The following DDX60 variants were observed in gnomAD, a reference collection of about 807,000 sequenced individuals.
DDX60 encodes the protein probable ATP-dependent RNA helicase DDX60.
In DDX60, 165 loss-of-function variants were observed where a neutral mutation model predicts 212.8. The observed-to-expected ratio is 0.78, with a 90% CI of 0.68 to 0.88. The LOEUF (loss-of-function observed/expected upper bound fraction) is 0.88, where lower values mean the gene tolerates loss of function less well. Among genes scored for constraint, DDX60 ranks in the 40% least tolerant of loss-of-function variants. The pLI is 0.00. For missense variants in DDX60, 1,905 were observed against 2,003.9 expected (o/e 0.95, Z 0.94); for synonymous variants, 703 against 685.3 (o/e 1.03, Z -0.40).
chr4:168,265,923 G>T (rs1734830534), intron 22 of DDX60, among the ~76,000 whole-genome samples: 1 of 151,596 alleles, frequency 6.6e-6, no homozygotes, highest in African/African-American at 2.4e-5. Context: ...AGAATAAAGT[G>T]CCTTTTATTC....
intron 28 of DDX60, among the ~76,000 whole-genome samples, chr4:168,250,564 C>A (rs928455440): frequency 3.4e-5 from 5 of 146,936 alleles, no homozygotes; most frequent in Admixed American, 6.8e-5. Context: ...TTGCTCTTGT[C>A]CCCCAGGCTA....
At chr4:168,258,351 G>A (rs1009595782) in intron 25 of DDX60, among the ~76,000 whole-genome samples, 3 of 152,206 alleles carry the variant, frequency 2.0e-5, no homozygotes, top group Admixed American at 6.5e-5. Flanking sequence ...GGGGGCAGAG[G>A]TGGGATCCAA....
At chr4:168,275,563 A>C (rs1183983716) in intron 15 of DDX60, 60 bp from the exon 16 acceptor site, 127 of 1,417,502 alleles carry the variant, frequency 9.0e-5, no homozygotes, top group Non-Finnish European at 1.2e-4. Context: ...CATTTAAATA[A>C]GTAAAACATT....
chr4:168,312,169 C>A (rs1271459676), intron 1 of DDX60, among the ~76,000 whole-genome samples: 1 of 152,136 alleles, frequency 6.6e-6, no homozygotes, highest in Non-Finnish European at 1.5e-5. Flanking sequence ...AAGGATGACA[C>A]AAGTTTCTAG....
At chr4:168,280,203 G>T in intron 14 of DDX60, 132 bp downstream of exon 14, 1 of 1,179,056 alleles carries the variant, frequency 8.5e-7, no homozygotes, top group Non-Finnish European at 1.2e-6. Flanking sequence ...TATTGTAAAG[G>T]TAATAATGTA....
Position 168,227,006 on chromosome 4 carries a change from A to G in DDX60, c.4534-1330T>C, listed in dbSNP as rs542207679. 7.2e-5 allele frequency among the ~76,000 whole-genome samples: 11 copies of G among 152,202 alleles called. No individual in the cohort carries two copies. The East Asian group carries it at 1.9e-3, about 27-fold the overall frequency. ...AATTTCTGTTGTTTATTAGCCAGCC[A>G]ATCATTGCTACATTATAGCAGCCCA... On this transcript the variant is annotated intron_variant, in intron 33 of 37. Transcript: ENST00000393743.
chr4:168,223,030 T>G (rs1430278715), intron 35 of DDX60, among the ~76,000 whole-genome samples: 1 of 152,130 alleles, frequency 6.6e-6, no homozygotes, highest in Admixed American at 6.6e-5. Context: ...GCAGTAACTA[T>G]TCCTTCACTT....
intron 30 of DDX60, among the ~76,000 whole-genome samples, chr4:168,240,047 A>C (rs1481055548): frequency 6.6e-6 from 1 of 152,222 alleles, no homozygotes; most frequent in African/African-American, 2.4e-5. Context: ...CTTTGTTTGC[A>C]GATGACATGA....
chr4:168,266,461 T>C (rs1009502916), intron 22 of DDX60, among the ~76,000 whole-genome samples: 1 of 152,192 alleles, frequency 6.6e-6, no homozygotes, highest in Non-Finnish European at 1.5e-5. Flanking sequence ...TCATGGCTGG[T>C]GTCGTATTAG....
Position 168,280,450 on chromosome 4 carries a change from C to G in DDX60, c.1863G>C (p.Lys621Asn), listed in dbSNP as rs1735539274. ...AGGATTTCAAAAAATCTTCCAGGCT[C>G]TTTATTCCAGAGTGTAAATTTTCTT... is the stretch of plus-strand genomic sequence containing the variant. ...QLKENLHSGI[K>N]SLEDFLKSCK... The change falls in exon 14 of 38, where the codon AAG becomes AAC. Residue 621 changes from lysine to asparagine, a missense_variant. Transcript: ENST00000393743. The G allele has an allele frequency of 6.2e-7, 1 of 1,614,168 alleles. No individual in the cohort carries two copies. The highest frequency in any genetic ancestry group is 1.3e-5 in the African/African-American group (1 of 75,050).
intron 33 of DDX60, among the ~76,000 whole-genome samples, chr4:168,233,615 A>C (rs1382009095): frequency 6.6e-6 from 1 of 152,128 alleles, no homozygotes; most frequent in Non-Finnish European, 1.5e-5. Flanking sequence ...AGGAATTGAA[A>C]ACCAAAAATC....
intron 6 of DDX60, among the ~76,000 whole-genome samples, chr4:168,297,359 AAAGAAAGAAAGAAAGAAAGAAAG>A: frequency 1.5e-5 from 1 of 67,612 alleles, no homozygotes; most frequent in Admixed American, 1.2e-4. Context: ...AGAAAGAAAG[AAAGAAAGAAAGAAAGAAAGAAAG>A]AGAAAGAAAG....
chr4:168,285,321 C>T, intron 11 of DDX60, 72 bp downstream of exon 11: 1 of 896,976 alleles, frequency 1.1e-6, no homozygotes, highest in Non-Finnish European at 1.8e-6. Context: ...GTCTGCATTT[C>T]AAATAATCCT....
At chr4:168,324,499 G>A in the DDX60 span, among the ~76,000 whole-genome samples, 1 of 152,002 alleles carries the variant, frequency 6.6e-6, no homozygotes, top group Admixed American at 6.6e-5. Context: ...TTTGTTGGAG[G>A]GGGCCCTGTT....
chr4:168,290,563 T>TCTCCTGACCTCATGATC (rs1479924382), intron 8 of DDX60, among the ~76,000 whole-genome samples: 1 of 151,932 alleles, frequency 6.6e-6, no homozygotes, highest in Non-Finnish European at 1.5e-5. Flanking sequence ...ATGGTCTTGA[T>TCTCCTGACCTCATGATC]CTCCTGACCT....
At chr4:168,225,819 T>A in intron 33 of DDX60, 143 bp from the exon 34 acceptor site, 1 of 774,014 alleles carries the variant, frequency 1.3e-6, no homozygotes, top group Non-Finnish European at 1.9e-6. Flanking sequence ...ACTGTTTCAT[T>A]TTTTCACTGG....
At chr4:168,297,741 T>TAAAAATAC (rs112425637) in intron 6 of DDX60, among the ~76,000 whole-genome samples, 64,589 of 151,148 alleles carry the variant, frequency 0.43, 14,594 homozygotes, top group African/African-American at 0.6. Context: ...TCATTTCTAA[T>TAAAAATAC]AAAAATTAGC....
intron 27 of DDX60, 101 bp from the exon 28 acceptor site, chr4:168,251,207 A>C (rs1486612042): frequency 5.4e-6 from 6 of 1,109,178 alleles, no homozygotes; most frequent in Non-Finnish European, 7.6e-6. Flanking sequence ...ATTTGGCTAA[A>C]CAGGCAACTA....
At position 168,283,987 on chromosome 4, in the gene DDX60, G is replaced by A. The variant is rs896142491; in HGVS notation, c.1562-381C>T. Among the ~76,000 whole-genome samples, 14 of 152,148 alleles carry A rather than the reference G, an allele frequency of 9.2e-5. 1 individual carries two copies. In the South Asian group the frequency reaches 2.7e-3, roughly 29 times the overall value. On this transcript the variant is annotated intron_variant, in intron 12 of 37. Transcript: ENST00000393743. ...ACTGGATAGAAAAAATCCTTACTCC[G>A]GACCATAGCCATAGAGCCAGAGCCC...
Sources: gnomAD v4.1 joint callset for allele counts (sites outside exome capture counted in the v4.1 genomes callset) on GRCh38, gnomAD v4.1.1 for gene constraint, MANE v1.5 for transcripts, NCBI Gene and HGNC (gene_info 2026-07-23, HGNC 2026-07-21) for gene names.